PCDHA11: variants seen among roughly 807,000 people sequenced by gnomAD.
PCDHA11 encodes the protein protocadherin alpha 11.
In PCDHA11, 61 loss-of-function variants were observed where a neutral mutation model predicts 70.3. The ratio of observed to expected loss-of-function variants is 0.87; its 90% CI spans 0.71 to 1.07. The LOEUF is 1.07. Ranked by LOEUF, PCDHA11 falls within the 50% of genes least tolerant of loss-of-function variation. The probability of loss-of-function intolerance (pLI) is 0.00; values close to 1 mark genes in which losing one functional copy is unlikely to be tolerated. For synonymous variants in PCDHA11, 633 were observed against 555.1 expected, an observed-to-expected ratio of 1.14 and a Z score of -1.97; for missense variants, 1,324 against 1,237.5, an observed-to-expected ratio of 1.07 and a Z score of -1.05.
Position 140,997,281 on chromosome 5 carries a change from T to C in PCDHA11, c.2540-12346T>C, listed in dbSNP as rs143161972. Reference sequence around the variant, plus strand: ...CTCTTCCAAATATTTCTTGCATCACTTAACAATGGGGATACACTGAGAAAT... The same window carrying C: ...CTCTTCCAAATATTTCTTGCATCACCTAACAATGGGGATACACTGAGAAAT... On this transcript the variant is annotated intron_variant, in intron 3 of 3. Transcript: ENST00000398640. 1.4e-3 allele frequency among the ~76,000 whole-genome samples: 209 copies of C among 152,340 alleles called. 2 individuals carry two copies. Among genetic ancestry groups the C allele is most frequent in the African/African-American group, 4.7e-3 (195 of 41,574 alleles).
At position 140,997,696 on chromosome 5, in the gene PCDHA11, GTA is replaced by G. The variant is rs1328869274; in HGVS notation, c.2540-11929_2540-11928del. On this transcript the variant is annotated intron_variant, in intron 3 of 3. Transcript: ENST00000398640. ...TGTGTGTGTGTGTGTGTGTGTGTGT[GTA>G]TGTTAACAAACACCTTTCTACGTCA... Among the ~76,000 whole-genome samples, 208 of 148,602 alleles carry G rather than the reference GTA, an allele frequency of 1.4e-3. 1 individual carries two copies. Among genetic ancestry groups the G allele is most frequent in the African/African-American group, 4.8e-3 (197 of 40,710 alleles).
intron 3 of PCDHA11, among the ~76,000 whole-genome samples, chr5:140,996,819 C>T (rs1446677147): frequency 6.6e-6 from 1 of 152,142 alleles, no homozygotes; most frequent in East Asian, 1.9e-4. Context: ...CAAAAGTAAC[C>T]ACTACCAATA....
At chr5:140,923,364 A>C (rs1414879540) in intron 1 of PCDHA11, among the ~76,000 whole-genome samples, 1 of 152,106 alleles carries the variant, frequency 6.6e-6, no homozygotes, top group African/African-American at 2.4e-5. Flanking sequence ...TATCTTTATA[A>C]AATATTTTTA....
chr5:140,926,912 C>A, intron 1 of PCDHA11: 1 of 1,561,732 alleles, frequency 6.4e-7, no homozygotes. Context: ...TGTGGGGTGG[C>A]AGTTTTATGT....
chr5:140,988,827 G>A (rs1554250450), intron 3 of PCDHA11: 1 of 152,132 alleles, frequency 6.6e-6, no homozygotes, highest in African/African-American at 2.4e-5. Flanking sequence ...CCCAAACAGA[G>A]ATCACGTGTC....
intron 1 of PCDHA11, among the ~76,000 whole-genome samples, chr5:140,924,889 T>C (rs1554202242): frequency 8.9e-6 from 1 of 112,122 alleles, no homozygotes; most frequent in Non-Finnish European, 1.8e-5. Flanking sequence ...AGCAAGAACC[T>C]GTCTCAAAAA....
At position 140,869,512 on chromosome 5, in the gene PCDHA11, G is replaced by A. The variant is rs782635875; in HGVS notation, c.409G>A (p.Glu137Lys). The A allele has an allele frequency of 1.9e-6, 3 of 1,614,072 alleles. No individual in the cohort carries two copies. The highest frequency in any genetic ancestry group is 3.3e-5 in the Admixed American group (2 of 60,004). ...CAACCCGCCGGTGTTCTCGCTCAGA[G>A]AACAAAAGCTGCTGATTGCGGAATC... is the stretch of plus-strand genomic sequence containing the variant. Reference protein sequence around the residue: ...NDNPPVFSLREQKLLIAESKQ... With the variant: ...NDNPPVFSLRKQKLLIAESKQ... Residue 137 changes from glutamate (E) to lysine (K), a missense_variant, in exon 1 of 4, where the codon GAA becomes AAA. Physicochemically the swap from Glu to Lys is moderately conservative, Grantham distance 56. Transcript: ENST00000398640.
At chr5:140,926,115 A>G (rs1554203115) in intron 1 of PCDHA11, among the ~76,000 whole-genome samples, 1 of 152,134 alleles carries the variant, frequency 6.6e-6, no homozygotes, top group East Asian at 1.9e-4. Context: ...AGGGTGCAGG[A>G]CAGACTTCAA....
chr5:140,901,953 G>A (rs545807968), intron 1 of PCDHA11, among the ~76,000 whole-genome samples: 8 of 151,830 alleles, frequency 5.3e-5, no homozygotes, highest in Non-Finnish European at 7.4e-5. Flanking sequence ...AGTTTTATTC[G>A]TGGCTATCGT....
intron 3 of PCDHA11, among the ~76,000 whole-genome samples, chr5:140,995,404 A>G (rs941348184): frequency 1.3e-5 from 2 of 152,184 alleles, no homozygotes; most frequent in Admixed American, 6.5e-5. Flanking sequence ...ATGGCTCGAG[A>G]TTTCATCACA....
At chr5:140,900,425 G>T (rs577250354) in intron 1 of PCDHA11, among the ~76,000 whole-genome samples, 1 of 152,236 alleles carries the variant, frequency 6.6e-6, no homozygotes, top group African/African-American at 2.4e-5. Context: ...TTATAGGCAC[G>T]TGCCACCACG....
rs782762108 is a variant in PCDHA11 at position 140,876,906 on chromosome 5, G to A, written c.2391+5412G>A. 3.7e-6 allele frequency: 6 copies of A among 1,613,910 alleles called. No homozygotes were observed. In the African/African-American group the frequency reaches 8.0e-5, roughly 22 times the overall value. On this transcript the variant is annotated intron_variant, in intron 1 of 3. Transcript: ENST00000398640. Reference sequence around the variant, plus strand: ...CGGGCTGCCACATCTTCACGGTGTCGGCATGGGACGCGGACGCGCAGAAGA... The same window carrying A: ...CGGGCTGCCACATCTTCACGGTGTCAGCATGGGACGCGGACGCGCAGAAGA...
chr5:140,899,259 G>C (rs2067235630), intron 1 of PCDHA11, among the ~76,000 whole-genome samples: 1 of 152,126 alleles, frequency 6.6e-6, no homozygotes, highest in African/African-American at 2.4e-5. Context: ...GGGCATCCCT[G>C]TCTTGTGGCA....
Position 140,914,039 on chromosome 5 carries a change from G to A in PCDHA11, c.2391+42545G>A, listed in dbSNP as rs147787020. Among the ~76,000 whole-genome samples the A allele has an allele frequency of 2.0e-5, 3 of 152,238 alleles. No individual in the cohort carries two copies. In the East Asian group the frequency reaches 5.8e-4, roughly 29 times the overall value. ...ATGATCCACGTGCTGAGAAGAATGT[G>A]TATTCTGCAGCTGTTGGATGAAATG... is the stretch of plus-strand genomic sequence containing the variant. On this transcript the variant is annotated intron_variant, in intron 1 of 3. Coordinates refer to ENST00000398640, the MANE Select transcript of PCDHA11 (RefSeq NM_018902.5).
At chr5:140,976,403 TA>T (rs1469780321) in intron 1 of PCDHA11, among the ~76,000 whole-genome samples, 1 of 151,936 alleles carries the variant, frequency 6.6e-6, no homozygotes, top group Non-Finnish European at 1.5e-5. Flanking sequence ...ATTCAAAAAT[TA>T]GCCAGGTACG....
At position 140,969,194 on chromosome 5, in the gene PCDHA11, A is replaced by G. The variant is rs782262250; in HGVS notation, c.2392-9755A>G. On this transcript the variant is annotated intron_variant, in intron 1 of 3. Coordinates refer to ENST00000398640, the MANE Select transcript of PCDHA11 (RefSeq NM_018902.5). ...AGGGAGTGACACTTTCATGTTTTAC[A>G]ATACAGGGGCCCAGACAGGACCAGG... 1.8e-5 allele frequency: 29 copies of G among 1,614,026 alleles called. No homozygotes were observed. The highest frequency in any genetic ancestry group is 2.3e-5 in the Non-Finnish European group (27 of 1,180,018).
intron 1 of PCDHA11, among the ~76,000 whole-genome samples, chr5:140,965,769 A>G (rs571022357): frequency 2.0e-5 from 3 of 152,376 alleles, no homozygotes; most frequent in Admixed American, 2.0e-4. Flanking sequence ...GTCAAATAAT[A>G]GATTTGCCTA....
At chr5:140,941,401 C>T (rs1200707950) in intron 1 of PCDHA11, among the ~76,000 whole-genome samples, 1 of 149,796 alleles carries the variant, frequency 6.7e-6, no homozygotes, top group Non-Finnish European at 1.5e-5. Flanking sequence ...ACTGCAACCT[C>T]CGCCTCCCGG....
chr5:140,941,214 C>CCCTTCTTTCTTTCTTTCTTTCTTT (rs2092871784), intron 1 of PCDHA11, among the ~76,000 whole-genome samples: 1 of 122,414 alleles, frequency 8.2e-6, no homozygotes, highest in Non-Finnish European at 1.7e-5. Flanking sequence ...TTTCTTTCTT[C>CCCTTCTTTCTTTCTTTCTTTCTTT]CTTTCTTTCT....
Sources: allele counts gnomAD v4.1 joint callset (sites outside exome capture counted in the v4.1 genomes callset), GRCh38; gene constraint gnomAD v4.1.1; transcripts MANE v1.5; gene names NCBI Gene and HGNC (gene_info 2026-07-23, HGNC 2026-07-21).